The following NCBP3 variants were observed in gnomAD, a reference collection of about 807,000 sequenced individuals.
The protein encoded by NCBP3 is nuclear cap-binding protein subunit 3.
In NCBP3, 20 loss-of-function variants were observed where a neutral mutation model predicts 75.7. The observed-to-expected ratio is 0.26, with a 90% CI of 0.19 to 0.38. NCBP3 has a LOEUF of 0.38. Ranked by LOEUF, NCBP3 falls within the 10% of genes least tolerant of loss-of-function variation. The pLI is 1.00. For missense variants in NCBP3, 678 were observed against 796.9 expected, an observed-to-expected ratio of 0.85 and a Z score of 1.80; for synonymous variants, 293 against 290.5, an observed-to-expected ratio of 1.01 and a Z score of -0.09.
rs576779871 is a variant in NCBP3 at position 3,810,202 on chromosome 17, G to C, written c.*2842C>G. 4.6e-5 allele frequency: 7 copies of C among 152,386 alleles called. No individual in the cohort carries two copies. Among genetic ancestry groups the C allele is most frequent in the Admixed American group, 3.9e-4 (6 of 15,294 alleles). 9.4% of individuals were successfully genotyped at this position (152,386 alleles called of 1,614,324 possible). The stretch of plus-strand genomic sequence containing the variant: ...AACAACAAAGGTTCATCCCGCTGCA[G>C]TGTGCAGAATGGAGACAGGGCAGAG... On this transcript the variant is annotated 3_prime_UTR_variant, in exon 13 of 13. Coordinates refer to ENST00000389005, the MANE Select transcript of NCBP3 (RefSeq NM_001114118.3).
intron 3 of NCBP3, among the ~76,000 whole-genome samples, chr17:3,834,917 C>T (rs190285076): frequency 2.6e-5 from 4 of 151,992 alleles, no homozygotes; most frequent in Non-Finnish European, 4.4e-5. Context: ...AATACATAGA[C>T]GGTGCTCTAT....
In NCBP3 at chr17:3,802,198, G is replaced by A. The variant is rs770123051; in HGVS notation, c.*10846C>T. On this transcript the variant is annotated 3_prime_UTR_variant, in exon 13 of 13. Coordinates refer to ENST00000389005, the MANE Select transcript of NCBP3 (RefSeq NM_001114118.3). Reference sequence around the variant, plus strand: ...ATATTTTATTTAATTTTAATTAAACGTAAAAAGGCAGGACATTCCAAGGCT... The same window carrying A: ...ATATTTTATTTAATTTTAATTAAACATAAAAAGGCAGGACATTCCAAGGCT... 3.3e-5 allele frequency: 5 copies of A among 152,086 alleles called. No individual in the cohort carries two copies. The highest frequency in any genetic ancestry group is 7.4e-5 in the Non-Finnish European group (5 of 68,020). The allele number at this position is 152,086 out of a possible 1,614,324, so 9.4% of individuals were successfully genotyped here. A position where few individuals can be genotyped will look rare whatever the true frequency, so the allele number is the denominator to read the frequency against.
chr17:3,813,540 CAG>C (rs2053465789), intron 12 of NCBP3, among the ~76,000 whole-genome samples: 1 of 152,334 alleles, frequency 6.6e-6, no homozygotes, highest in African/African-American at 2.4e-5. Flanking sequence ...CCAGACACAT[CAG>C]AATCACCTGA....
In NCBP3 at chr17:3,818,306, T is replaced by G; in HGVS notation, c.1267A>C (p.Thr423Pro). 6.2e-7 allele frequency: 1 copy of G among 1,613,572 alleles called. No homozygotes were observed. The highest frequency in any genetic ancestry group is 8.5e-7 in the Non-Finnish European group (1 of 1,179,670). Residue 423 changes from threonine (T) to proline (P), a missense_variant, in exon 10 of 13, where the codon ACT (threonine) becomes CCT (proline). Thr to Pro is a conservative substitution (Grantham distance 38, BLOSUM62 -1). Transcript: ENST00000389005. This position sits in a 1 kb window ranked among gnomAD's most constrained non-coding sequence, Gnocchi z 4.7. ...GATTCCACTTCGTCAGCATACATAG[T>G]CATTTTCATGCTTTTCTTTGGTGAA... ...TPSPKKSMKMTMYADEVESQL... is the reference protein window; with the variant it reads ...TPSPKKSMKMPMYADEVESQL...
intron 1 of NCBP3, 77 bp downstream of exon 1, chr17:3,845,964 A>AC (rs2054157066): frequency 6.9e-7 from 1 of 1,446,838 alleles, no homozygotes; most frequent in African/African-American, 1.5e-5. Context: ...GGCTCCGGCC[A>AC]CCGCCCCTTC....
chr17:3,840,011 G>T lies in NCBP3; in HGVS notation c.355+89C>A, dbSNP rs1021034244. ...GAGTGCTTGGATAAGGAGTGGACAC[G>T]CAAGGCAAGGCCAGAAGCATGAGGT... On this transcript the variant is annotated intron_variant, in intron 3 of 12. Coordinates refer to ENST00000389005, the MANE Select transcript of NCBP3 (RefSeq NM_001114118.3). 1.2e-5 allele frequency: 12 copies of T among 1,004,710 alleles called. No homozygotes were observed. The African/African-American group carries it at 1.3e-4, about 11-fold the overall frequency. 62.2% of individuals were successfully genotyped at this position (1,004,710 alleles called of 1,614,324 possible).
At position 3,821,340 on chromosome 17, in the gene NCBP3, A is replaced by G. The variant is rs2053660891; in HGVS notation, c.909T>C (p.Tyr303=). 1.9e-6 allele frequency: 3 copies of G among 1,613,682 alleles called. No individual in the cohort carries two copies. Among genetic ancestry groups the G allele is most frequent in the Admixed American group, 1.7e-5 (1 of 59,988 alleles). Residue 303 remains tyrosine (Y), a synonymous_variant, in exon 9 of 13, where the codon TAT becomes TAC. Transcript: ENST00000389005. ...GILSNSWKRR[Y]HSRRIQRDVI... ...CGTCCCGCTGAATACGACGGGAATG[A>G]TATCTTCGCTTCCTGCAAGAATGCC...
Position 3,818,306 on chromosome 17 carries a change from T to A in NCBP3, c.1267A>T (p.Thr423Ser), listed in dbSNP as rs1473461059. Residue 423 changes from threonine to serine, a missense_variant, in exon 10 of 13, where the codon ACT becomes TCT. Thr to Ser is a moderately conservative substitution (Grantham distance 58). Coordinates refer to ENST00000389005, the MANE Select transcript of NCBP3 (RefSeq NM_001114118.3). The surrounding 1 kb of genome is among the most constrained non-coding windows in gnomAD (Gnocchi z 4.7). ...TPSPKKSMKM[T>S]MYADEVESQL... Reference sequence around the variant, plus strand: ...GATTCCACTTCGTCAGCATACATAGTCATTTTCATGCTTTTCTTTGGTGAA... The same window carrying A: ...GATTCCACTTCGTCAGCATACATAGACATTTTCATGCTTTTCTTTGGTGAA... The A allele has an allele frequency of 6.2e-7, 1 of 1,613,572 alleles. No individual in the cohort carries two copies. The highest frequency in any genetic ancestry group is 1.3e-5 in the African/African-American group (1 of 75,046).
rs1395600374 is a variant in NCBP3, at chr17:3,809,411, A to C, written c.*3633T>G. The C allele has an allele frequency of 6.6e-6, 1 of 152,264 alleles. No individual in the cohort carries two copies. Among genetic ancestry groups the C allele is most frequent in the South Asian group, 2.1e-4 (1 of 4,832 alleles). The allele number at this position is 152,264 out of a possible 1,614,324, so 9.4% of individuals were successfully genotyped here. On this transcript the variant is annotated 3_prime_UTR_variant, in exon 13 of 13. Transcript: ENST00000389005. Reference sequence around the variant, plus strand: ...TGTTCGTAGCAACACTATTCATAATAGCCAAAAAGTAGGGCCAGGTGCAGT... The same window carrying C: ...TGTTCGTAGCAACACTATTCATAATCGCCAAAAAGTAGGGCCAGGTGCAGT...
intron 1 of NCBP3, among the ~76,000 whole-genome samples, chr17:3,844,275 G>GT (rs1459257524): frequency 3.3e-5 from 5 of 152,184 alleles, no homozygotes; most frequent in Non-Finnish European, 5.9e-5. Flanking sequence ...ACACTGTATA[G>GT]TTTTCTTGAC....
intron 7 of NCBP3, chr17:3,824,285 A>G (rs1188461410): frequency 6.6e-6 from 1 of 152,110 alleles, no homozygotes; most frequent in African/African-American, 2.4e-5. Flanking sequence ...TAACTCTCAA[A>G]TGATTAAAAA....
At chr17:3,824,892 A>G in intron 7 of NCBP3, 50 bp downstream of exon 7, 1 of 1,069,412 alleles carries the variant, frequency 9.4e-7, no homozygotes, top group Non-Finnish European at 1.4e-6. Context: ...TCACTCCATA[A>G]TAAATCATTT....
At chr17:3,842,807 G>A (rs543724636) in intron 2 of NCBP3, among the ~76,000 whole-genome samples, 3 of 152,148 alleles carry the variant, frequency 2.0e-5, no homozygotes, top group East Asian at 1.9e-4. Flanking sequence ...TACCACACCC[G>A]ACTAATTTTT....
intron 10 of NCBP3, among the ~76,000 whole-genome samples, chr17:3,817,940 T>C (rs956228209): frequency 1.3e-5 from 2 of 151,610 alleles, no homozygotes; most frequent in African/African-American, 4.9e-5. Context: ...TTTATACAAA[T>C]ATATCTACAG....
At chr17:3,837,538 G>A (rs2053996164) in intron 3 of NCBP3, among the ~76,000 whole-genome samples, 1 of 150,786 alleles carries the variant, frequency 6.6e-6, no homozygotes, top group African/African-American at 2.4e-5. Flanking sequence ...CACGAGGTCA[G>A]GAGGTCAGGA....
At chr17:3,819,515 G>A (rs1356537662) in intron 9 of NCBP3, among the ~76,000 whole-genome samples, 1 of 151,138 alleles carries the variant, frequency 6.6e-6, no homozygotes, top group Non-Finnish European at 1.5e-5. Flanking sequence ...AGCCGAGATC[G>A]CGCCACTGCA....
intron 7 of NCBP3, among the ~76,000 whole-genome samples, chr17:3,823,310 A>G (rs2143663388): frequency 6.6e-6 from 1 of 152,256 alleles, no homozygotes; most frequent in African/African-American, 2.4e-5. Context: ...GCGCCACTGC[A>G]CTCCAGCCTG....
At chr17:3,829,770 G>C (rs177987) in intron 3 of NCBP3, among the ~76,000 whole-genome samples, 18,593 of 152,176 alleles carry the variant, frequency 0.12, 2,084 homozygotes, top group African/African-American at 0.3. Flanking sequence ...TTCTGAAAGA[G>C]AAGAGATGCT....
chr17:3,840,068 T>C (rs1041162107), intron 3 of NCBP3, 32 bp downstream of exon 3: 5 of 1,518,934 alleles, frequency 3.3e-6, no homozygotes, highest in African/African-American at 2.8e-5. Context: ...TCTGGGGAAA[T>C]GTGGACAAAT....
Sources: gnomAD v4.1 joint callset for allele counts (sites outside exome capture counted in the v4.1 genomes callset) on GRCh38, gnomAD v4.1.1 for gene constraint, Gnocchi (gnomAD v3.1) non-coding constraint, MANE v1.5 for transcripts, NCBI Gene and HGNC (gene_info 2026-07-23, HGNC 2026-07-21) for gene names.